Variants in BICDL1 observed in about 807,000 individuals in gnomAD.
BICDL1 encodes BICD family like cargo adaptor 1.
Under a neutral mutation model 76.8 loss-of-function variants are expected in BICDL1, and 20 were observed. The observed-to-expected ratio is 0.26, with a 90% CI of 0.18 to 0.38. The LOEUF is 0.38. BICDL1 is among the 10% of genes least tolerant of loss of function. The pLI is 1.00. For missense variants in BICDL1, 700 were observed against 798.6 expected (o/e 0.88, Z 1.49); for synonymous variants, 383 against 337.1 (o/e 1.14, Z -1.49).
chr12:120,048,769 C>T (rs1223022659), intron 2 of BICDL1, among the ~76,000 whole-genome samples: 1 of 152,192 alleles, frequency 6.6e-6, no homozygotes, highest in Non-Finnish European at 1.5e-5. Flanking sequence ...GTTTCATCCC[C>T]AGTACCTAGG....
chr12:120,057,122 A>G, intron 2 of BICDL1: 1 of 521,012 alleles, frequency 1.9e-6, no homozygotes, highest in Non-Finnish European at 3.8e-6. Context: ...TTTAGAGGAC[A>G]TTATCATGGA....
chr12:120,039,635 CT>C (rs1952596160), intron 2 of BICDL1, among the ~76,000 whole-genome samples: 1 of 72,608 alleles, frequency 1.4e-5, no homozygotes, highest in African/African-American at 9.3e-5. Flanking sequence ...GAGACTCCGT[CT>C]CAAAAAAAAA....
intron 2 of BICDL1, among the ~76,000 whole-genome samples, chr12:120,048,125 T>C (rs1952783680): frequency 6.6e-6 from 1 of 152,184 alleles, no homozygotes; most frequent in Non-Finnish European, 1.5e-5. Flanking sequence ...TTTGATGTTA[T>C]CAACACAGTT....
chr12:120,086,315 G>A (rs1874409362), intron 8 of BICDL1, among the ~76,000 whole-genome samples: 1 of 152,198 alleles, frequency 6.6e-6, no homozygotes, highest in Non-Finnish European at 1.5e-5. Context: ...CAAGCCTAAG[G>A]AATCATTTAA....
Position 120,031,321 on chromosome 12 carries a change from A to G in BICDL1, c.646-30389A>G, listed in dbSNP as rs1594140206. Among the ~76,000 whole-genome samples, 3 of 150,250 alleles carry G rather than the reference A, an allele frequency of 2.0e-5. No individual in the cohort carries two copies. The East Asian group carries it at 5.9e-4, about 30-fold the overall frequency. On this transcript the variant is annotated intron_variant, in intron 2 of 9. Transcript: ENST00000548673. ...TGGGTTCACGCCATTCTCCTGCCTC[A>G]GCCTCCTCAGTAGCTGGGATGACAG...
intron 2 of BICDL1, among the ~76,000 whole-genome samples, chr12:120,044,443 A>T (rs1435635679): frequency 6.6e-6 from 1 of 152,154 alleles, no homozygotes; most frequent in Non-Finnish European, 1.5e-5. Context: ...AGGGCTCCTT[A>T]GGGTACACCC....
chr12:120,043,916 T>C (rs923982936), intron 2 of BICDL1, among the ~76,000 whole-genome samples: 3 of 152,348 alleles, frequency 2.0e-5, no homozygotes, highest in South Asian at 2.1e-4. Context: ...AAAACAGATA[T>C]GTAAACAGAG....
intron 2 of BICDL1, among the ~76,000 whole-genome samples, chr12:120,042,754 G>A (rs528337221): frequency 1.3e-5 from 2 of 150,962 alleles, no homozygotes; most frequent in Non-Finnish European, 2.9e-5. Flanking sequence ...GCAGTGAGCC[G>A]AGATTGTGCC....
Position 120,072,611 on chromosome 12 carries a change from C to T in BICDL1, c.1190C>T (p.Ser397Phe). 1.2e-6 allele frequency: 2 copies of T among 1,614,244 alleles called. No individual in the cohort carries two copies. Among genetic ancestry groups the T allele is most frequent in the Non-Finnish European group, 1.7e-6 (2 of 1,180,052 alleles). The part of the protein sequence containing the change: ...SADSAVSTDS[S>F]MDESSETSSA... ...GACTCAGCCGTCTCCACGGACTCCTCCATGGACGAGTCTTCAGAAACCTCG... is the reference window on the plus strand; with the variant it reads ...GACTCAGCCGTCTCCACGGACTCCTTCATGGACGAGTCTTCAGAAACCTCG... The change falls in exon 6 of 10, where the codon TCC (serine) becomes TTC (phenylalanine). Residue 397 changes from serine to phenylalanine, a missense_variant. By Grantham distance (155) the Ser-to-Phe change is radical. Around this residue, in one of 3 missense-constraint regions of BICDL1, gnomAD observed 455 missense variants for 548.7 expected, o/e 0.83. Transcript: ENST00000548673.
chr12:120,080,215 G>A (rs1873860266), intron 7 of BICDL1, among the ~76,000 whole-genome samples: 1 of 152,240 alleles, frequency 6.6e-6, no homozygotes, highest in East Asian at 1.9e-4. Context: ...CACTGGAGGG[G>A]TGCCTCACTG....
intron 2 of BICDL1, among the ~76,000 whole-genome samples, chr12:120,061,341 G>GTAGGTA (rs1953099878): frequency 6.6e-6 from 1 of 152,186 alleles, no homozygotes; most frequent in African/African-American, 2.4e-5. Context: ...TTCTAAGGCA[G>GTAGGTA]TAGGTATAAC....
intron 2 of BICDL1, chr12:119,999,906 C>T: frequency 3.1e-6 from 1 of 324,784 alleles, no homozygotes. Flanking sequence ...AGTGCCGTGT[C>T]TGCATGGTTA....
chr12:120,046,112 C>G (rs537800484), intron 2 of BICDL1, among the ~76,000 whole-genome samples: 1 of 152,224 alleles, frequency 6.6e-6, no homozygotes, highest in Non-Finnish European at 1.5e-5. Flanking sequence ...CCACTCTCCC[C>G]CTTTAGCTGC....
At chr12:119,996,253 T>C (rs905910753) in intron 1 of BICDL1, among the ~76,000 whole-genome samples, 20 of 152,240 alleles carry the variant, frequency 1.3e-4, no homozygotes, top group African/African-American at 4.6e-4. Flanking sequence ...AATTTTCTAC[T>C]GCTGTTTTTA....
intron 2 of BICDL1, chr12:120,018,839 A>G (rs528221878): frequency 6.6e-6 from 1 of 152,092 alleles, no homozygotes; most frequent in Admixed American, 6.6e-5. Flanking sequence ...AGGTCAGGAG[A>G]TCAAGACCTT....
Position 119,989,958 on chromosome 12 carries a change from C to G in BICDL1, c.90C>G (p.Ala30=). ...GCTGCATGGAGCTGCCCGCCGCGGC[C>G]GGGGACGCAGTCCGGAGTCCCGCCG... ...SACCMELPAA[A]GDAVRSPAAA... The change falls in exon 1 of 10, where the codon GCC becomes GCG. Residue 30 remains alanine (A), a synonymous_variant. Coordinates refer to ENST00000548673, the MANE Select transcript of BICDL1 (RefSeq NM_001367886.1). The G allele has an allele frequency of 5.5e-6, 8 of 1,465,080 alleles. No homozygotes were observed. Among genetic ancestry groups the G allele is most frequent in the Non-Finnish European group, 7.1e-6 (8 of 1,123,140 alleles). The allele number at this position is 1,465,080 out of a possible 1,614,324, so 90.8% of individuals were successfully genotyped here.
intron 3 of BICDL1, among the ~76,000 whole-genome samples, chr12:120,064,280 C>G (rs564162134): frequency 6.6e-6 from 1 of 152,090 alleles, no homozygotes; most frequent in Non-Finnish European, 1.5e-5. Flanking sequence ...AGGGGAATCC[C>G]GGGGTGTGAA....
intron 2 of BICDL1, among the ~76,000 whole-genome samples, chr12:120,020,179 G>A (rs1425281180): frequency 7.0e-6 from 1 of 143,404 alleles, no homozygotes; most frequent in East Asian, 2.3e-4. Context: ...ACTTGATAGG[G>A]CGAGCCTGAC....
intron 2 of BICDL1, among the ~76,000 whole-genome samples, chr12:120,039,998 A>C (rs767182980): frequency 2.0e-5 from 3 of 152,114 alleles, no homozygotes; most frequent in Non-Finnish European, 4.4e-5. Context: ...ATCAACAAAT[A>C]CCCAATTTTA....
Sources: gnomAD v4.1 joint callset for allele counts (sites outside exome capture counted in the v4.1 genomes callset) on GRCh38, gnomAD v4.1.1 for gene constraint, gnomAD v4.1.1 regional missense constraint, MANE v1.5 for transcripts, NCBI Gene and HGNC (gene_info 2026-07-23, HGNC 2026-07-21) for gene names.